Variants in ALG13 observed in about 807,000 individuals in gnomAD.
The protein encoded by ALG13 is ALG13 UDP-N-acetylglucosaminyltransferase subunit, also known as UDP-N-acetylglucosamine transferase subunit ALG13.
In ALG13, 11 loss-of-function variants were observed where a neutral mutation model predicts 87.8. That is an observed-to-expected ratio of 0.13 (90% CI 0.08 to 0.21). The LOEUF is 0.21. Ranked by LOEUF, ALG13 falls within the 10% of genes least tolerant of loss-of-function variation. The probability of loss-of-function intolerance (pLI) is 1.00; values close to 1 mark genes in which losing one functional copy is unlikely to be tolerated. For synonymous variants in ALG13, 320 were observed against 306.3 expected, an observed-to-expected ratio of 1.04 and a Z score of -0.47; for missense variants, 756 against 866.1, an observed-to-expected ratio of 0.87 and a Z score of 1.60.
At chrX:111,733,170 AGGT>A (rs1399886431) in intron 21 of ALG13, among the ~76,000 whole-genome samples, 2 of 111,437 alleles carry the variant, frequency 1.8e-5, no homozygotes, top group East Asian at 5.6e-4. Context: ...TTTGGAGAAC[AGGT>A]GGTGGTTGGT....
At chrX:111,726,232 G>GTTTTTTT (rs1213050998) in intron 15 of ALG13, among the ~76,000 whole-genome samples, 37 of 60,165 alleles carry the variant, frequency 6.1e-4, no homozygotes, top group African/African-American at 1.1e-3. Context: ...GGCGTGTTTT[G>GTTTTTTT]TTTTTTTTTT....
At chrX:111,724,880 T>C in intron 14 of ALG13, 54 bp from the exon 15 acceptor site, 1 of 1,176,969 alleles carries the variant, frequency 8.5e-7, no homozygotes. Flanking sequence ...GTGTATTGAA[T>C]GAAAGTTAAG....
rs1939117057 is a variant in ALG13 at position 111,708,180 on chromosome X, T to A, written c.537T>A (p.His179Gln). ...LHKQALVTAT[H>Q]PTCTLLFPSC... ...AGCAAGCCCTTGTTACTGCTACCCA[T>A]CCTACCTGCACCCTGCTTTTTCCCT... Residue 179 changes from histidine (H) to glutamine (Q), a missense_variant, in exon 4 of 27, where the codon CAT becomes CAA. By Grantham distance (24) the His-to-Gln change is conservative (BLOSUM62 0). Around this residue, in one of 9 missense-constraint regions of ALG13, gnomAD observed 153 missense variants for 168.7 expected, o/e 0.91. Coordinates refer to ENST00000394780, the MANE Select transcript of ALG13 (RefSeq NM_001099922.3). 2.5e-6 allele frequency: 3 copies of A among 1,211,705 alleles called. No homozygotes were observed. The East Asian group carries it at 8.9e-5, about 36-fold the overall frequency.
chrX:111,690,119 A>G (rs1935871235), intron 3 of ALG13: 1 of 751,590 alleles, frequency 1.3e-6, no homozygotes, highest in South Asian at 6.8e-5. Flanking sequence ...AACATGCTAA[A>G]TTAATCACCA....
chrX:111,744,373 T>G (rs1944026490), intron 23 of ALG13, among the ~76,000 whole-genome samples: 1 of 112,044 alleles, frequency 8.9e-6, no homozygotes, highest in African/African-American at 3.2e-5. Context: ...TATGTTTTAT[T>G]TATGTACCTG....
chrX:111,703,344 C>T (rs1397333717), intron 3 of ALG13, among the ~76,000 whole-genome samples: 1 of 111,148 alleles, frequency 9.0e-6, no homozygotes, highest in African/African-American at 3.3e-5. Flanking sequence ...ATTCTGTGAG[C>T]TCCTCAACTC....
chrX:111,686,799 T>A (rs1206494365), intron 3 of ALG13, among the ~76,000 whole-genome samples: 6 of 112,559 alleles, frequency 5.3e-5, no homozygotes, highest in African/African-American at 1.6e-4. Context: ...ATATCCTGAC[T>A]TTTTACTCAT....
rs147964455 is a variant in ALG13, at chrX:111,687,612, T to C, written c.383+2509T>C. Among the ~76,000 whole-genome samples, 859 of 112,441 alleles carry C rather than the reference T, an allele frequency of 7.6e-3. 5 individuals are homozygous for C. The highest frequency in any genetic ancestry group is 0.013 in the Non-Finnish European group (673 of 53,269). On this transcript the variant is annotated intron_variant, in intron 3 of 26. Coordinates refer to ENST00000394780, the MANE Select transcript of ALG13 (RefSeq NM_001099922.3). ...AGTCCTGAGAAGTATTACAAAGCCA[T>C]GTGAAGACATTTTTCATGAAATATC...
Position 111,685,062 on chromosome X carries a change from G to A in ALG13, c.342G>A (p.Lys114=). ...LMNNHQLELA[K]QLHKEGHLFY... is the part of the protein sequence containing the mutation. ...ACAATCATCAGCTGGAACTGGCAAA[G>A]CAGCTACACAAAGAGGGTCATCTCT... The change falls in exon 3 of 27, where the codon AAG becomes AAA. Residue 114 remains lysine, a synonymous_variant. Coordinates refer to ENST00000394780, the MANE Select transcript of ALG13 (RefSeq NM_001099922.3). 1.1e-5 allele frequency: 13 copies of A among 1,210,873 alleles called. No individual in the cohort carries two copies. Among genetic ancestry groups the A allele is most frequent in the Non-Finnish European group, 1.5e-5 (13 of 895,018 alleles).
Position 111,681,218 on chromosome X carries a change from C to T in ALG13, c.-1C>T, listed in dbSNP as rs904318687. 4.1e-6 allele frequency: 5 copies of T among 1,210,276 alleles called. No individual in the cohort carries two copies. Among genetic ancestry groups the T allele is most frequent in the African/African-American group, 3.5e-5 (2 of 57,463 alleles). ...CGATCAGGGCTTGAGGAACCCGCGCCATGAAGTGCGTGTTTGTTACCGTAG... is the reference window on the plus strand; with the variant it reads ...CGATCAGGGCTTGAGGAACCCGCGCTATGAAGTGCGTGTTTGTTACCGTAG... On this transcript the variant is annotated 5_prime_UTR_variant, in exon 1 of 27. Transcript: ENST00000394780.
intron 7 of ALG13, among the ~76,000 whole-genome samples, chrX:111,712,955 A>G (rs921493726): frequency 2.7e-5 from 3 of 111,153 alleles, no homozygotes; most frequent in Non-Finnish European, 3.8e-5. Context: ...CATACATACA[A>G]TTGATAATTG....
intron 20 of ALG13, 23 bp downstream of exon 20, chrX:111,730,450 C>T: frequency 4.2e-6 from 5 of 1,200,935 alleles, no homozygotes; most frequent in Non-Finnish European, 5.6e-6. Flanking sequence ...TAGAAGTGAT[C>T]TGGCATTCAT....
At chrX:111,727,099 T>G (rs557740841) in intron 16 of ALG13, 44 bp downstream of exon 16, 8 of 1,182,615 alleles carry the variant, frequency 6.8e-6, no homozygotes, top group Middle Eastern at 2.3e-4. Context: ...TAGGGAAATA[T>G]GAAGCAATTG....
chrX:111,724,164 G>A (rs1228909631), intron 14 of ALG13, among the ~76,000 whole-genome samples: 1 of 112,230 alleles, frequency 8.9e-6, no homozygotes, highest in African/African-American at 3.2e-5. Context: ...ATACAAAACT[G>A]TTCATAGTAA....
Position 111,759,990 on chromosome X carries a change from G to A in ALG13, c.3405G>A (p.Gln1135=), listed in dbSNP as rs1324861259. ...PSPPASHYVP[Q]GM is the part of the protein sequence containing the mutation. ...CCCCAGCTTCTCATTATGTACCTCA[G>A]GGTATGTAAGATCCAGCAGTATGAA... is the stretch of plus-strand genomic sequence containing the variant. The change falls in exon 27 of 27, where the codon CAG becomes CAA. Residue 1135 remains glutamine (Q), a synonymous_variant. Coordinates refer to ENST00000394780, the MANE Select transcript of ALG13 (RefSeq NM_001099922.3). 8.3e-7 allele frequency: 1 copy of A among 1,209,997 alleles called. No individual in the cohort carries two copies. Among genetic ancestry groups the A allele is most frequent in the Non-Finnish European group, 1.1e-6 (1 of 894,571 alleles).
At chrX:111,727,908 A>C in intron 18 of ALG13, 138 bp downstream of exon 18, 1 of 771,384 alleles carries the variant, frequency 1.3e-6, no homozygotes, top group Non-Finnish European at 1.8e-6. Flanking sequence ...AAATGAGAAA[A>C]GAGACATTTT....
At chrX:111,682,994 C>T (rs192651530) in intron 2 of ALG13, among the ~76,000 whole-genome samples, 94 of 109,637 alleles carry the variant, frequency 8.6e-4, no homozygotes, top group African/African-American at 3.0e-3. Context: ...AAAGGTGTTT[C>T]GTTTTTTCCT....
At chrX:111,702,580 T>C (rs1178405407) in intron 3 of ALG13, among the ~76,000 whole-genome samples, 1 of 111,703 alleles carries the variant, frequency 9.0e-6, no homozygotes, top group Admixed American at 9.5e-5. Context: ...TAAACCTTTA[T>C]TATCTTTTTT....
rs887878543 is a variant in ALG13 at position 111,685,075 on chromosome X, G to C, written c.355G>C (p.Glu119Gln). 11 of 1,210,588 alleles carry C rather than the reference G, an allele frequency of 9.1e-6. No individual in the cohort carries two copies. The highest frequency in any genetic ancestry group is 1.1e-5 in the Non-Finnish European group (10 of 895,082). ...QLELAKQLHK[E>Q]GHLFYCTCRV... ...GGAACTGGCAAAGCAGCTACACAAA[G>C]AGGGTCATCTCTTCTATTGTACCTG... The change falls in exon 3 of 27, where the codon GAG becomes CAG. Residue 119 changes from glutamate (E) to glutamine (Q), a missense_variant. Glu to Gln is a conservative substitution (Grantham distance 29, BLOSUM62 2). This residue lies in a region of ALG13 where 153 missense variants were observed against 168.7 expected (regional missense o/e 0.91). Coordinates refer to ENST00000394780, the MANE Select transcript of ALG13 (RefSeq NM_001099922.3).
Sources: gnomAD v4.1 joint callset for allele counts (sites outside exome capture counted in the v4.1 genomes callset) on GRCh38, gnomAD v4.1.1 for gene constraint, gnomAD v4.1.1 regional missense constraint, MANE v1.5 for transcripts, NCBI Gene and HGNC (gene_info 2026-07-23, HGNC 2026-07-21) for gene names.